Variants in STPG2 observed in about 807,000 individuals in gnomAD.
STPG2 encodes sperm tail PG-rich repeat containing 2.
Under a neutral mutation model 54.2 loss-of-function variants are expected in STPG2, and 56 were observed. That is an observed-to-expected ratio of 1.03 (90% CI 0.83 to 1.29). The LOEUF (loss-of-function observed/expected upper bound fraction) is 1.29. Among genes scored for constraint, STPG2 ranks in the 50% most tolerant of loss-of-function variants. The pLI is 0.00. For missense variants in STPG2, 596 were observed against 544.9 expected (o/e 1.09, Z -0.93); for synonymous variants, 200 against 181.8 (o/e 1.10, Z -0.81).
chr4:97,808,724 A>T (rs147461599), intron 9 of STPG2, among the ~76,000 whole-genome samples: 282 of 150,974 alleles, frequency 1.9e-3, no homozygotes, highest in African/African-American at 6.7e-3. Context: ...GAAACAACAA[A>T]AGCACAAGGA....
At chr4:97,556,343 T>C (rs928465174), downstream of STPG2, among the ~76,000 whole-genome samples, 1 of 152,180 alleles carries the variant, frequency 6.6e-6, no homozygotes, top group Non-Finnish European at 1.5e-5. Context: ...TTCCTAATCA[T>C]AATCATCTTG....
In STPG2 at chr4:97,814,277, AGCCATTAT is replaced by A. The variant is rs1378455483; in HGVS notation, c.1204+26488_1204+26495del. ...ATGTCAAATAACTGGTTATTCTGGT[AGCCATTAT>A]GCTTAGGCTATTAATTTAGGACTTT... On this transcript the variant is annotated intron_variant, in intron 9 of 10. Transcript: ENST00000295268. Among the ~76,000 whole-genome samples the A allele has an allele frequency of 2.0e-5, 3 of 152,210 alleles. No individual in the cohort carries two copies. The South Asian group carries it at 6.2e-4, about 32-fold the overall frequency.
chr4:97,792,047 TA>T (rs1727008304), intron 9 of STPG2, among the ~76,000 whole-genome samples: 1 of 152,030 alleles, frequency 6.6e-6, no homozygotes, highest in African/African-American at 2.4e-5. Context: ...AGATGACAAT[TA>T]AAGTGTAAAA....
intron 8 of STPG2, among the ~76,000 whole-genome samples, chr4:97,865,217 A>T (rs1384426928): frequency 1.8e-4 from 27 of 152,128 alleles, no homozygotes; most frequent in Non-Finnish European, 1.3e-4. Flanking sequence ...AATATCCAGA[A>T]TCTACAAAGA....
intron 10 of STPG2, among the ~76,000 whole-genome samples, chr4:97,696,867 A>C (rs997875627): frequency 2.0e-5 from 3 of 152,202 alleles, no homozygotes; most frequent in African/African-American, 4.8e-5. Context: ...ATAATCAAAA[A>C]AATTAATTTT....
chr4:97,727,738 A>G (rs1724668136), intron 9 of STPG2, among the ~76,000 whole-genome samples: 1 of 150,952 alleles, frequency 6.6e-6, no homozygotes, highest in South Asian at 2.1e-4. Context: ...TTTTTTCACA[A>G]TTTTCTTACA....
intron 10 of STPG2, among the ~76,000 whole-genome samples, chr4:97,625,718 G>A (rs1366534911): frequency 6.6e-6 from 1 of 152,158 alleles, no homozygotes. Flanking sequence ...AAATATGAAT[G>A]ACACAAATGG....
At chr4:97,961,268 A>G (rs904242418) in intron 7 of STPG2, among the ~76,000 whole-genome samples, 1 of 152,076 alleles carries the variant, frequency 6.6e-6, no homozygotes, top group African/African-American at 2.4e-5. Flanking sequence ...ACCAGCAAAA[A>G]CCTTCTAGAC....
chr4:97,862,975 A>G (rs543039160), intron 8 of STPG2, among the ~76,000 whole-genome samples: 48 of 152,324 alleles, frequency 3.2e-4, no homozygotes, highest in African/African-American at 1.1e-3. Flanking sequence ...ATAGCACTAA[A>G]TGCCCACAAC....
chr4:97,831,403 G>A (rs923394707), intron 9 of STPG2, among the ~76,000 whole-genome samples: 7 of 151,954 alleles, frequency 4.6e-5, no homozygotes, highest in Admixed American at 6.6e-5. Flanking sequence ...AGTACTAAAT[G>A]GCCACAAGAG....
intron 10 of STPG2, among the ~76,000 whole-genome samples, chr4:97,561,769 C>G (rs892728618): frequency 1.3e-5 from 2 of 152,122 alleles, no homozygotes; most frequent in Non-Finnish European, 2.9e-5. Flanking sequence ...AGCGTTATTT[C>G]TGGGGGCTAA....
chr4:97,644,767 T>C (rs1721863972), intron 10 of STPG2, among the ~76,000 whole-genome samples: 2 of 152,022 alleles, frequency 1.3e-5, no homozygotes, highest in South Asian at 4.1e-4. Context: ...AGAGCATAAT[T>C]AACAGACCAG....
intron 10 of STPG2, among the ~76,000 whole-genome samples, chr4:97,640,767 A>C (rs866154565): frequency 7.2e-5 from 11 of 151,736 alleles, no homozygotes; most frequent in African/African-American, 2.6e-4. Flanking sequence ...CATATTGAAA[A>C]TTAAAGATTT....
At position 97,821,137 on chromosome 4, in the gene STPG2, T is replaced by C. The variant is rs192802030; in HGVS notation, c.1204+19636A>G. Among the ~76,000 whole-genome samples the C allele has an allele frequency of 1.3e-3, 201 of 152,204 alleles. 1 individual carries two copies. The highest frequency in any genetic ancestry group is 4.5e-3 in the African/African-American group (186 of 41,526). On this transcript the variant is annotated intron_variant, in intron 9 of 10. Coordinates refer to ENST00000295268, the MANE Select transcript of STPG2 (RefSeq NM_174952.3). ...ATAAAATCAAAAACAGGTAGTTACT[T>C]TAAAGGTACAATGGAGGTTCAGGAA... is the stretch of plus-strand genomic sequence containing the variant.
intron 5 of STPG2, among the ~76,000 whole-genome samples, chr4:98,000,968 A>G (rs1198480752): frequency 6.6e-6 from 1 of 152,152 alleles, no homozygotes; most frequent in African/African-American, 2.4e-5. Flanking sequence ...GCTAGGTTTT[A>G]CTGTATATTA....
chr4:97,752,904 G>T (rs1725621453), intron 9 of STPG2, among the ~76,000 whole-genome samples: 1 of 151,722 alleles, frequency 6.6e-6, no homozygotes, highest in African/African-American at 2.4e-5. Context: ...TTTTCCATAT[G>T]AATAGTAGAG....
downstream of STPG2, among the ~76,000 whole-genome samples, chr4:97,556,613 A>G (rs1732084211): frequency 6.6e-6 from 1 of 152,210 alleles, no homozygotes; most frequent in Non-Finnish European, 1.5e-5. Flanking sequence ...CTCAACAAAA[A>G]AACCCAAGTA....
At chr4:97,995,903 G>C (rs143454252) in intron 5 of STPG2, among the ~76,000 whole-genome samples, 6 of 152,152 alleles carry the variant, frequency 3.9e-5, no homozygotes, top group Admixed American at 3.3e-4. Flanking sequence ...TCTCTACAAT[G>C]AGAACTACAA....
chr4:97,552,150 T>C (rs1046557901), intron 4 of STPG2, among the ~76,000 whole-genome samples: 17 of 152,098 alleles, frequency 1.1e-4, no homozygotes, highest in African/African-American at 3.9e-4. Flanking sequence ...TCAAGACAGA[T>C]TTGTATTTCA....
Sources: allele counts gnomAD v4.1 joint callset (sites outside exome capture counted in the v4.1 genomes callset), GRCh38; gene constraint gnomAD v4.1.1; transcripts MANE v1.5; gene names NCBI Gene and HGNC (gene_info 2026-07-23, HGNC 2026-07-21).